Variants in PPP2R3A observed in about 807,000 individuals in gnomAD.
PPP2R3A encodes the protein protein phosphatase 2 regulatory subunit B''alpha, also known as serine/threonine-protein phosphatase 2A regulatory subunit B'' subunit alpha.
In PPP2R3A, 80 loss-of-function variants were observed where a neutral mutation model predicts 106.9. The observed-to-expected ratio is 0.75, with a 90% CI of 0.62 to 0.90. The LOEUF is 0.90. Among genes scored for constraint, PPP2R3A ranks in the 40% least tolerant of loss-of-function variants. The pLI is 0.00. For missense variants in PPP2R3A, 1,386 were observed against 1,350.4 expected (o/e 1.03, Z -0.41); for synonymous variants, 483 against 468.3 (o/e 1.03, Z -0.41).
intron 4 of PPP2R3A, among the ~76,000 whole-genome samples, 177 bp from the exon 5 acceptor site, chr3:136,049,082 A>G (rs2107862012): frequency 6.6e-6 from 1 of 152,310 alleles, no homozygotes; most frequent in East Asian, 1.9e-4. Flanking sequence ...AGACTTCAGT[A>G]CTCATCCAAC....
intron 2 of PPP2R3A, among the ~76,000 whole-genome samples, chr3:136,020,153 T>C (rs889837576): frequency 6.6e-6 from 1 of 152,102 alleles, no homozygotes; most frequent in Non-Finnish European, 1.5e-5. Flanking sequence ...CTCAAGAGTT[T>C]AGACACTACT....
intron 10 of PPP2R3A, among the ~76,000 whole-genome samples, chr3:136,096,083 A>C (rs1163877949): frequency 6.6e-6 from 1 of 152,196 alleles, no homozygotes; most frequent in East Asian, 1.9e-4. Flanking sequence ...TGAGTATCTC[A>C]TATAATTTAT....
At chr3:136,030,584 T>C (rs1408332832) in intron 3 of PPP2R3A, among the ~76,000 whole-genome samples, 1 of 151,784 alleles carries the variant, frequency 6.6e-6, no homozygotes, top group African/African-American at 2.4e-5. Flanking sequence ...CCAAAGTCCA[T>C]TGTGTCATTC....
chr3:135,997,720 T>A (rs1225472309), intron 1 of PPP2R3A, among the ~76,000 whole-genome samples: 1 of 152,202 alleles, frequency 6.6e-6, no homozygotes, highest in Non-Finnish European at 1.5e-5. Context: ...CTCCCAGTAC[T>A]TAAGCCAGAA....
chr3:136,007,924 G>A (rs1457984013), intron 2 of PPP2R3A, among the ~76,000 whole-genome samples: 1 of 152,086 alleles, frequency 6.6e-6, no homozygotes, highest in African/African-American at 2.4e-5. Context: ...CATAATTTCT[G>A]TTGTTACTAG....
intron 1 of PPP2R3A, among the ~76,000 whole-genome samples, chr3:135,979,319 C>T (rs376174766): frequency 3.4e-4 from 51 of 150,970 alleles, no homozygotes; most frequent in East Asian, 2.7e-3. Context: ...GCGGAGGTTG[C>T]GGTGAGCCGA....
At chr3:136,022,797 AG>A (rs1934510737) in intron 2 of PPP2R3A, 1 of 1,204,918 alleles carries the variant, frequency 8.3e-7, no homozygotes, top group African/African-American at 1.6e-5. Flanking sequence ...GCTACCAACA[AG>A]GAGCAACAGG....
intron 1 of PPP2R3A, among the ~76,000 whole-genome samples, chr3:135,981,463 T>C (rs567100656): frequency 2.9e-4 from 44 of 151,950 alleles, no homozygotes; most frequent in Non-Finnish European, 5.7e-4. Context: ...AGTTAGCCCT[T>C]CCTTAAAACT....
intron 5 of PPP2R3A, among the ~76,000 whole-genome samples, chr3:136,059,404 A>G (rs750778761): frequency 2.6e-5 from 4 of 152,232 alleles, no homozygotes; most frequent in Non-Finnish European, 4.4e-5. Flanking sequence ...ATGATTAGAG[A>G]AATGCAAGTC....
intron 6 of PPP2R3A, among the ~76,000 whole-genome samples, chr3:136,070,997 G>T (rs1003779579): frequency 1.3e-5 from 2 of 152,218 alleles, no homozygotes; most frequent in Non-Finnish European, 1.5e-5. Flanking sequence ...AAAACAACAT[G>T]ATCACAATCT....
At chr3:136,058,613 T>TA (rs550041054) in intron 5 of PPP2R3A, among the ~76,000 whole-genome samples, 56 of 152,066 alleles carry the variant, frequency 3.7e-4, no homozygotes, top group African/African-American at 1.3e-3. Flanking sequence ...GATTCAGTGT[T>TA]AAACTACCAT....
At chr3:136,013,659 G>C (rs548059405) in intron 2 of PPP2R3A, among the ~76,000 whole-genome samples, 11 of 152,134 alleles carry the variant, frequency 7.2e-5, no homozygotes, top group African/African-American at 2.4e-4. Context: ...CTTCTTTTAA[G>C]ACTTGTCTTA....
At chr3:136,038,452 A>G (rs1029568962) in intron 3 of PPP2R3A, among the ~76,000 whole-genome samples, 2 of 152,130 alleles carry the variant, frequency 1.3e-5, no homozygotes, top group Admixed American at 1.3e-4. Flanking sequence ...AGAGAATGAA[A>G]TTTGCTTAGT....
chr3:136,041,250 G>GGT (rs1559884277), intron 4 of PPP2R3A, among the ~76,000 whole-genome samples: 4 of 56,566 alleles, frequency 7.1e-5, no homozygotes, highest in Non-Finnish European at 1.1e-4. Context: ...TTTTTTTTTT[G>GGT]TTTTTTTTTT....
intron 5 of PPP2R3A, among the ~76,000 whole-genome samples, chr3:136,057,818 G>A (rs1269030072): frequency 6.6e-6 from 1 of 152,176 alleles, no homozygotes; most frequent in African/African-American, 2.4e-5. Context: ...AGAGGATGTA[G>A]AGAAAAGGGA....
At chr3:136,088,868 G>A (rs1237943741) in intron 9 of PPP2R3A, among the ~76,000 whole-genome samples, 1 of 152,132 alleles carries the variant, frequency 6.6e-6, no homozygotes, top group African/African-American at 2.4e-5. Context: ...TTTCATGTTT[G>A]TTGGCTGCCT....
At chr3:136,034,365 T>C (rs535765274) in intron 3 of PPP2R3A, among the ~76,000 whole-genome samples, 8 of 152,330 alleles carry the variant, frequency 5.3e-5, no homozygotes, top group Admixed American at 3.3e-4. Flanking sequence ...TTTAGGGCTA[T>C]GAACTTTTCT....
intron 8 of PPP2R3A, among the ~76,000 whole-genome samples, chr3:136,086,864 G>A (rs564734285): frequency 2.2e-4 from 34 of 152,228 alleles, no homozygotes; most frequent in Non-Finnish European, 3.7e-4. Context: ...TGACCTTATT[G>A]ATGATCCTGA....
intron 5 of PPP2R3A, among the ~76,000 whole-genome samples, chr3:136,062,919 A>C (rs1284184031): frequency 6.6e-6 from 1 of 152,180 alleles, no homozygotes; most frequent in Non-Finnish European, 1.5e-5. Context: ...GGAAACAACT[A>C]CTTTAAAGTT....
Sources: allele counts gnomAD v4.1 joint callset (sites outside exome capture counted in the v4.1 genomes callset), GRCh38; gene constraint gnomAD v4.1.1; transcripts MANE v1.5; gene names NCBI Gene and HGNC (gene_info 2026-07-23, HGNC 2026-07-21).